TLN2: variants seen among roughly 807,000 people sequenced by gnomAD.
The protein encoded by TLN2 is talin-2.
A neutral mutation model predicts 294.7 loss-of-function variants in TLN2; 118 were observed. That is an observed-to-expected ratio of 0.40 (90% CI 0.34 to 0.47). The LOEUF (loss-of-function observed/expected upper bound fraction) is 0.47. TLN2 is among the 20% of genes least tolerant of loss of function. TLN2 has a pLI of 0.84. For synonymous variants in TLN2, 1,431 were observed against 1,304.5 expected (o/e 1.10, Z -2.09); for missense variants, 3,083 against 3,282.2 (o/e 0.94, Z 1.48).
At chr15:62,450,976 C>CTTTTT (rs753232298) in intron 1 of TLN2, among the ~76,000 whole-genome samples, 1 of 138,988 alleles carries the variant, frequency 7.2e-6, no homozygotes. Flanking sequence ...AGTTCTCTCT[C>CTTTTT]TTTTTTTTTT....
rs773071783 is a variant in TLN2, at chr15:62,673,901, T to C, written c.852+11T>C. On this transcript the variant is annotated intron_variant, in intron 10 of 58. Coordinates refer to ENST00000636159, the MANE Select transcript of TLN2 (RefSeq NM_015059.3). ...AAGAGGATCTTTCAGGTATTGGAAA[T>C]GTACAGAACTTTATTATTCTCCTCA... 4.3e-6 allele frequency: 7 copies of C among 1,609,464 alleles called. No individual in the cohort carries two copies. In the African/African-American group the frequency reaches 6.7e-5, roughly 15 times the overall value.
At chr15:62,490,770 A>G (rs2038662367) in intron 1 of TLN2, among the ~76,000 whole-genome samples, 1 of 152,162 alleles carries the variant, frequency 6.6e-6, no homozygotes, top group South Asian at 2.1e-4. Context: ...TTGATACAGA[A>G]ATGCTAGGTA....
chr15:62,598,163 G>C (rs543126853), intron 2 of TLN2, among the ~76,000 whole-genome samples: 1 of 152,328 alleles, frequency 6.6e-6, no homozygotes, highest in East Asian at 1.9e-4. Flanking sequence ...TTGTAGAACA[G>C]ATGTTATCAC....
At chr15:62,748,954 C>G (rs1167525908) in intron 33 of TLN2, among the ~76,000 whole-genome samples, 1 of 152,232 alleles carries the variant, frequency 6.6e-6, no homozygotes, top group Non-Finnish European at 1.5e-5. Context: ...TGTGGGGCCC[C>G]TAAGGGCCCA....
intron 1 of TLN2, among the ~76,000 whole-genome samples, chr15:62,445,755 C>T (rs1265164242): frequency 1.3e-5 from 2 of 151,954 alleles, no homozygotes; most frequent in Non-Finnish European, 1.5e-5. Context: ...CCTCGACTTC[C>T]TGGGCTCAAA....
At chr15:62,598,641 T>C (rs899332919) in intron 2 of TLN2, among the ~76,000 whole-genome samples, 5 of 152,006 alleles carry the variant, frequency 3.3e-5, no homozygotes, top group Non-Finnish European at 2.9e-5. Context: ...GTCAAGTACA[T>C]TTGATTTTTT....
intron 9 of TLN2, among the ~76,000 whole-genome samples, chr15:62,659,404 C>T (rs1039206033): frequency 6.6e-6 from 1 of 152,210 alleles, no homozygotes; most frequent in Non-Finnish European, 1.5e-5. Flanking sequence ...ACTGGGATTA[C>T]AAGGTGCTTT....
intron 51 of TLN2, 58 bp downstream of exon 51, chr15:62,805,843 C>T: frequency 5.1e-6 from 8 of 1,557,264 alleles, no homozygotes; most frequent in Non-Finnish European, 6.1e-6. Flanking sequence ...GACTGGGTTG[C>T]TTGGTGTAGT....
chr15:62,764,373 G>A (rs375186651), intron 40 of TLN2, among the ~76,000 whole-genome samples: 58 of 152,182 alleles, frequency 3.8e-4, no homozygotes, highest in East Asian at 1.5e-3. Flanking sequence ...AAACATGGAT[G>A]GTCTGTTTAT....
chr15:62,410,611 C>T (rs1271570348), intron 1 of TLN2, among the ~76,000 whole-genome samples: 3 of 152,188 alleles, frequency 2.0e-5, no homozygotes, highest in African/African-American at 7.2e-5. Context: ...TGCATTCTCT[C>T]CGTTAGTGCT....
chr15:62,607,749 G>T (rs1260288741), intron 2 of TLN2, among the ~76,000 whole-genome samples: 1 of 151,918 alleles, frequency 6.6e-6, no homozygotes, highest in East Asian at 1.9e-4. Context: ...TTGTGTGTGT[G>T]TGCACAAGTC....
chr15:62,574,770 T>A (rs1028223313), intron 1 of TLN2, among the ~76,000 whole-genome samples: 6 of 152,062 alleles, frequency 3.9e-5, no homozygotes, highest in African/African-American at 1.4e-4. Flanking sequence ...TATGTCACAG[T>A]GTGGTTTATA....
intron 41 of TLN2, among the ~76,000 whole-genome samples, chr15:62,767,487 A>G (rs755642463): frequency 1.3e-5 from 2 of 151,988 alleles, no homozygotes; most frequent in Non-Finnish European, 2.9e-5. Flanking sequence ...GATTATAGGC[A>G]TGCACCACCA....
intron 4 of TLN2, 105 bp from the exon 5 acceptor site, chr15:62,649,979 G>A: frequency 9.2e-7 from 1 of 1,088,072 alleles, no homozygotes; most frequent in Non-Finnish European, 1.4e-6. Context: ...GTCTGGTGAA[G>A]GAGAACACCC....
intron 1 of TLN2, among the ~76,000 whole-genome samples, chr15:62,414,162 A>C (rs1440019267): frequency 1.6e-5 from 1 of 62,336 alleles, no homozygotes; most frequent in Non-Finnish European, 3.2e-5. Context: ...CAAAAAAAAA[A>C]ACTATATATA....
chr15:62,814,455 A>G (rs1875434004), intron 52 of TLN2, among the ~76,000 whole-genome samples: 1 of 152,114 alleles, frequency 6.6e-6, no homozygotes, highest in Non-Finnish European at 1.5e-5. Context: ...TGTTTATAGA[A>G]TGTTAAAGAG....
rs2067476730 is a variant in TLN2 at position 62,820,563 on chromosome 15, G to T, written c.6955G>T (p.Ala2319Ser). 1 of 1,613,834 alleles carries T rather than the reference G, an allele frequency of 6.2e-7. No homozygotes were observed. The highest frequency in any genetic ancestry group is 8.5e-7 in the Non-Finnish European group (1 of 1,179,936). The change falls in exon 54 of 59, where the codon GCT becomes TCT. Residue 2319 changes from alanine to serine, a missense_variant. Coordinates refer to ENST00000636159, the MANE Select transcript of TLN2 (RefSeq NM_015059.3). The part of the protein sequence containing the change: ...ELLGAAASIE[A>S]AAKKLEQLKP... ...ACTGGGGGCTGCAGCATCCATCGAA[G>T]CTGCTGCTAAGAAGTTAGAGCAACT...
At chr15:62,682,393 T>G (rs2056912325) in intron 11 of TLN2, among the ~76,000 whole-genome samples, 2 of 152,148 alleles carry the variant, frequency 1.3e-5, no homozygotes, top group Admixed American at 1.3e-4. Context: ...TTTACCCACC[T>G]CCATACAGAG....
At chr15:62,618,711 C>G (rs887072110) in intron 3 of TLN2, among the ~76,000 whole-genome samples, 3 of 152,180 alleles carry the variant, frequency 2.0e-5, no homozygotes, top group Non-Finnish European at 2.9e-5. Flanking sequence ...GTGGTTGATT[C>G]CTCAAGCCTA....
Sources: gnomAD v4.1 joint callset for allele counts (sites outside exome capture counted in the v4.1 genomes callset) on GRCh38, gnomAD v4.1.1 for gene constraint, MANE v1.5 for transcripts, NCBI Gene and HGNC (gene_info 2026-07-23, HGNC 2026-07-21) for gene names.